WNT2: variants seen among roughly 807,000 people sequenced by gnomAD.
WNT2 encodes protein Wnt-2.
A neutral mutation model predicts 36.9 loss-of-function variants in WNT2; 12 were observed. That is an observed-to-expected ratio of 0.33 (90% CI 0.21 to 0.53). WNT2 has a LOEUF of 0.53. Among genes scored for constraint, WNT2 ranks in the 20% least tolerant of loss-of-function variants. WNT2 has a pLI of 0.95. For synonymous variants in WNT2, 163 were observed against 174.6 expected (o/e 0.93, Z 0.52); for missense variants, 379 against 473.1 (o/e 0.80, Z 1.84).
chr7:117,302,371 T>C (rs569379372), intron 3 of WNT2, among the ~76,000 whole-genome samples: 5 of 152,334 alleles, frequency 3.3e-5, no homozygotes, highest in Admixed American at 3.3e-4. Flanking sequence ...TGTCAATTTT[T>C]TTAACTTGAA....
intron 4 of WNT2, among the ~76,000 whole-genome samples, chr7:117,293,928 C>T (rs1443771498): frequency 6.6e-6 from 1 of 152,172 alleles, no homozygotes; most frequent in African/African-American, 2.4e-5. Flanking sequence ...TTCTCTGTTA[C>T]ACCCCCTGCC....
chr7:117,289,908 C>T (rs548284978), intron 4 of WNT2, among the ~76,000 whole-genome samples: 17 of 152,138 alleles, frequency 1.1e-4, no homozygotes, highest in African/African-American at 3.9e-4. Flanking sequence ...CAGTGGTACC[C>T]GGGATGATGG....
chr7:117,314,033 G>GC (rs1404694159), intron 3 of WNT2, among the ~76,000 whole-genome samples: 10 of 152,028 alleles, frequency 6.6e-5, no homozygotes, highest in East Asian at 5.8e-4. Context: ...TCCTATTAAA[G>GC]CCCCCCCAGG....
intron 3 of WNT2, among the ~76,000 whole-genome samples, chr7:117,306,661 C>T (rs1795019854): frequency 6.6e-6 from 1 of 152,178 alleles, no homozygotes; most frequent in East Asian, 1.9e-4. Flanking sequence ...CTCAATTCTC[C>T]CAGCCCCCAT....
rs1795343033 is a variant in WNT2, at chr7:117,322,204, A to C, written c.83+703T>G. On this transcript the variant is annotated intron_variant, in intron 1 of 4. Coordinates refer to ENST00000265441, the MANE Select transcript of WNT2 (RefSeq NM_003391.3). This position sits in a 1 kb window ranked among gnomAD's most constrained non-coding sequence, Gnocchi z 5.4. ...GTTCAACATTCCATCACTATGCAAA[A>C]ATAAATAAATAAATTGCAGACCAAC... 1 of 152,144 alleles carries C rather than the reference A, an allele frequency of 6.6e-6. No individual in the cohort carries two copies. The highest frequency in any genetic ancestry group is 2.1e-4 in the South Asian group (1 of 4,818). The allele number at this position is 152,144 out of a possible 1,614,324, so 9.4% of individuals were successfully genotyped here. A position where few individuals can be genotyped will look rare whatever the true frequency, so the allele number is the denominator to read the frequency against.
intron 2 of WNT2, among the ~76,000 whole-genome samples, chr7:117,316,638 C>A (rs935086110): frequency 6.6e-6 from 1 of 151,570 alleles, no homozygotes. Flanking sequence ...CTGCTAGTCT[C>A]ATTATTAAAA....
chr7:117,317,776 G>A lies in WNT2; in HGVS notation c.311-2428C>T, dbSNP rs1795248316. ...TCAAGCAATGCCTATTAAGTACATA[G>A]GCACAGTTTTTATTTGGGGTAGAGA... On this transcript the variant is annotated intron_variant, in intron 2 of 4. Transcript: ENST00000265441. Among the ~76,000 whole-genome samples the A allele has an allele frequency of 3.9e-5, 6 of 152,140 alleles. No individual in the cohort carries two copies. The South Asian group carries it at 1.0e-3, about 26-fold the overall frequency.
chr7:117,320,819 G>A (rs771150467), intron 1 of WNT2, 26 bp from the exon 2 acceptor site: 30 of 1,582,316 alleles, frequency 1.9e-5, no homozygotes, highest in Non-Finnish European at 2.4e-5. Flanking sequence ...CAACACAGAG[G>A]TGAGGGCAAC....
chr7:117,290,426 A>G (rs192487990), intron 4 of WNT2, among the ~76,000 whole-genome samples: 9 of 152,356 alleles, frequency 5.9e-5, no homozygotes, highest in Admixed American at 5.9e-4. Context: ...AGAAGGCTCA[A>G]TGGATAGTAA....
chr7:117,320,482 A>G, intron 2 of WNT2, 85 bp downstream of exon 2: 1 of 1,315,382 alleles, frequency 7.6e-7, no homozygotes, highest in Non-Finnish European at 1.1e-6. Context: ...AATGCAATAG[A>G]AGATAAGCAG....
intron 2 of WNT2, 172 bp downstream of exon 2, chr7:117,320,395 T>C (rs1795300380): frequency 1.5e-6 from 1 of 655,462 alleles, no homozygotes. Context: ...CCTCTAGACA[T>C]GTTCCTTGAT....
At chr7:117,320,483 A>G in intron 2 of WNT2, 84 bp downstream of exon 2, 1 of 1,322,856 alleles carries the variant, frequency 7.6e-7, no homozygotes, top group Non-Finnish European at 1.1e-6. Context: ...ATGCAATAGA[A>G]GATAAGCAGG....
intron 4 of WNT2, among the ~76,000 whole-genome samples, chr7:117,292,452 T>A (rs900690285): frequency 2.0e-5 from 3 of 152,172 alleles, no homozygotes; most frequent in African/African-American, 4.8e-5. Context: ...ATGGAGGTAA[T>A]TGCCTTGAAG....
intron 2 of WNT2, among the ~76,000 whole-genome samples, chr7:117,315,792 C>T (rs1044377841): frequency 6.6e-6 from 1 of 152,230 alleles, no homozygotes. Flanking sequence ...CAGCTTTCCT[C>T]AAAATATCCT....
chr7:117,291,076 G>A (rs143687628), intron 4 of WNT2, among the ~76,000 whole-genome samples: 3 of 152,176 alleles, frequency 2.0e-5, no homozygotes, highest in African/African-American at 7.2e-5. Context: ...ACACCACTGG[G>A]CATGAGAGAA....
Position 117,320,741 on chromosome 7 carries a change from C to T in WNT2, c.136G>A (p.Gly46Ser), listed in dbSNP as rs766344048. The change falls in exon 2 of 5, where the codon GGC becomes AGC. Residue 46 changes from glycine to serine, a missense_variant. Physicochemically the swap from Gly to Ser is moderately conservative, Grantham distance 56 (BLOSUM62 0). Coordinates refer to ENST00000265441, the MANE Select transcript of WNT2 (RefSeq NM_003391.3). ...SSRVMCDNVP[G>S]LVSSQRQLCH... ...AGCTGCCGCTGGCTGCTCACCAGGC[C>T]TGGCACATTATCGCACATCACCCTG... 1.9e-6 allele frequency: 3 copies of T among 1,613,708 alleles called. No homozygotes were observed. The highest frequency in any genetic ancestry group is 2.5e-6 in the Non-Finnish European group (3 of 1,180,004).
chr7:117,287,025 T>C (rs935621416), intron 4 of WNT2, among the ~76,000 whole-genome samples: 2 of 152,236 alleles, frequency 1.3e-5, no homozygotes, highest in Admixed American at 6.5e-5. Context: ...GACTTTCTGA[T>C]GTCACAGTCA....
chr7:117,290,113 A>G lies in WNT2; in HGVS notation c.853+7499T>C, dbSNP rs140384663. Among the ~76,000 whole-genome samples, 302 of 152,316 alleles carry G rather than the reference A, an allele frequency of 2.0e-3. 4 individuals carry two copies. The highest frequency in any genetic ancestry group is 0.017 in the Middle Eastern group (5 of 294). ...GTATGAAATCTGGGTGAAGCTGTCA[A>G]GCAGGGAATTGGATACAGGATGATG... On this transcript the variant is annotated intron_variant, in intron 4 of 4. Coordinates refer to ENST00000265441, the MANE Select transcript of WNT2 (RefSeq NM_003391.3).
intron 3 of WNT2, among the ~76,000 whole-genome samples, chr7:117,298,719 C>G (rs1261984795): frequency 6.6e-6 from 1 of 152,198 alleles, no homozygotes; most frequent in African/African-American, 2.4e-5. Flanking sequence ...AGCAGAGCAG[C>G]ACTTTCCCCA....
Sources: allele counts gnomAD v4.1 joint callset (sites outside exome capture counted in the v4.1 genomes callset), GRCh38; gene constraint gnomAD v4.1.1; non-coding constraint Gnocchi (gnomAD v3.1); transcripts MANE v1.5; gene names NCBI Gene and HGNC (gene_info 2026-07-23, HGNC 2026-07-21).